KMT2C: variants seen among roughly 807,000 people sequenced by gnomAD.
KMT2C encodes the protein lysine methyltransferase 2C, also known as histone-lysine N-methyltransferase 2C.
A neutral mutation model predicts 507.9 loss-of-function variants in KMT2C; 88 were observed. The ratio of observed to expected loss-of-function variants is 0.17; its 90% confidence interval spans 0.15 to 0.21. KMT2C has a LOEUF of 0.21. Ranked by LOEUF, KMT2C falls within the 10% of genes least tolerant of loss-of-function variation. The probability of loss-of-function intolerance (pLI) is 1.00; values close to 1 mark genes in which losing one functional copy is unlikely to be tolerated. For missense variants in KMT2C, 4,954 were observed against 5,957.8 expected (o/e 0.83, Z 5.55); for synonymous variants, 2,049 against 2,080.8 (o/e 0.98, Z 0.42).
At chr7:152,271,691 A>C (rs1188532840) in intron 7 of KMT2C, among the ~76,000 whole-genome samples, 3 of 151,510 alleles carry the variant, frequency 2.0e-5, no homozygotes, top group African/African-American at 7.3e-5. Flanking sequence ...AAAAAAAAAA[A>C]AAAACCCCAA....
At chr7:152,170,508 T>G (rs2092915039) in intron 40 of KMT2C, among the ~76,000 whole-genome samples, 2 of 152,200 alleles carry the variant, frequency 1.3e-5, no homozygotes, top group South Asian at 2.1e-4. Context: ...CTACTTGCTG[T>G]GTTTGTTTGT....
At chr7:152,201,027 G>A (rs1170355333) in intron 26 of KMT2C, among the ~76,000 whole-genome samples, 1 of 152,106 alleles carries the variant, frequency 6.6e-6, no homozygotes, top group African/African-American at 2.4e-5. Context: ...ATGATGAACA[G>A]CAGAAAGCGT....
intron 51 of KMT2C, 31 bp downstream of exon 51, chr7:152,150,869 T>G: frequency 7.2e-7 from 1 of 1,398,416 alleles, no homozygotes; most frequent in Non-Finnish European, 1.0e-6. Flanking sequence ...TCGTTACACA[T>G]TGTTATCAGC....
intron 3 of KMT2C, among the ~76,000 whole-genome samples, chr7:152,326,012 T>C (rs1295782065): frequency 6.6e-6 from 1 of 152,116 alleles, no homozygotes; most frequent in Non-Finnish European, 1.5e-5. Context: ...ATAAATAACC[T>C]GTCCATATTA....
chr7:152,214,167 TA>T (rs200335502), intron 23 of KMT2C, among the ~76,000 whole-genome samples: 409 of 143,108 alleles, frequency 2.9e-3, no homozygotes, highest in African/African-American at 8.4e-3. Context: ...AGAGTTTCCT[TA>T]AAAAAAAAAA....
At chr7:152,260,573 T>A (rs1189849198) in intron 9 of KMT2C, among the ~76,000 whole-genome samples, 2 of 152,134 alleles carry the variant, frequency 1.3e-5, no homozygotes, top group Non-Finnish European at 2.9e-5. Flanking sequence ...TATGATTAAA[T>A]TTTTTAAAGT....
intron 1 of KMT2C, among the ~76,000 whole-genome samples, chr7:152,420,279 C>T (rs150098548): frequency 8.5e-5 from 13 of 152,256 alleles, no homozygotes; most frequent in Middle Eastern, 3.4e-3. Context: ...ACACCCACAC[C>T]GATCTGTGAT....
intron 2 of KMT2C, among the ~76,000 whole-genome samples, chr7:152,349,706 A>G (rs940046476): frequency 6.6e-6 from 1 of 152,086 alleles, no homozygotes; most frequent in African/African-American, 2.4e-5. Context: ...CTATGATACT[A>G]TAATGACAGA....
intron 23 of KMT2C, among the ~76,000 whole-genome samples, chr7:152,215,795 C>T (rs2094568977): frequency 6.6e-6 from 1 of 151,468 alleles, no homozygotes; most frequent in South Asian, 2.1e-4. Flanking sequence ...ACACAAGAAA[C>T]CTCTGAGGTT....
rs781721078 is a variant in KMT2C, at chr7:152,252,644, G to A, written c.1371C>T (p.Asp457=). The A allele has an allele frequency of 6.2e-7, 1 of 1,613,146 alleles. No homozygotes were observed. Among genetic ancestry groups the A allele is most frequent in the South Asian group, 1.1e-5 (1 of 91,048 alleles). The change falls in exon 10 of 59, where the codon GAC becomes GAT. Residue 457 remains aspartate (D), a synonymous_variant. Transcript: ENST00000262189. ...AGTTATCCTGCTGTTGGTAACAATT[G>A]TCACATATCAGGCAATTGTGGTGCC... is the stretch of plus-strand genomic sequence containing the variant. The part of the protein sequence containing the change: ...SQWHHNCLIC[D]NCYQQQDNLC...
At chr7:152,292,853 A>C (rs915553842) in intron 6 of KMT2C, among the ~76,000 whole-genome samples, 9 of 152,164 alleles carry the variant, frequency 5.9e-5, no homozygotes, top group Admixed American at 2.0e-4. Context: ...GGGAAAAGAA[A>C]ATTTAAGGTC....
At chr7:152,273,326 AC>A (rs1334352997) in intron 7 of KMT2C, among the ~76,000 whole-genome samples, 1 of 152,164 alleles carries the variant, frequency 6.6e-6, no homozygotes, top group Non-Finnish European at 1.5e-5. Flanking sequence ...ACCTGAGTGA[AC>A]TGTCTTCTAA....
In KMT2C at chr7:152,294,799, A is replaced by G. The variant is rs111532174; in HGVS notation, c.849+15167T>C. Among the ~76,000 whole-genome samples, 1,450 of 152,362 alleles carry G rather than the reference A, an allele frequency of 9.5e-3. 27 individuals are homozygous for G. The highest frequency in any genetic ancestry group is 0.034 in the African/African-American group (1,395 of 41,578). On this transcript the variant is annotated intron_variant, in intron 6 of 58. Transcript: ENST00000262189. ...CTTAAATCTATTAATCCAAACTACTATAATTTCTACTATACTTCCTGTAAC... is the reference window on the plus strand; with the variant it reads ...CTTAAATCTATTAATCCAAACTACTGTAATTTCTACTATACTTCCTGTAAC...
intron 9 of KMT2C, among the ~76,000 whole-genome samples, chr7:152,255,105 TCA>T (rs1432753940): frequency 1.2e-5 from 1 of 84,904 alleles, no homozygotes; most frequent in Non-Finnish European, 2.4e-5. Context: ...CAATCAACTC[TCA>T]CTTATATATA....
In KMT2C at chr7:152,187,844, G is replaced by A. The variant is rs371207950; in HGVS notation, c.4664C>T (p.Ala1555Val). 1 of 1,612,652 alleles carries A rather than the reference G, an allele frequency of 6.2e-7. No homozygotes were observed. The highest frequency in any genetic ancestry group is 8.5e-7 in the Non-Finnish European group (1 of 1,179,582). ...TQLLPIHNQD[A>V]FSRMPLMNGL... ...ATTCATGAGAGGCATCCGTGAAAAA[G>A]CATCTTCAGAGAAAAAAATAATTCC... The change falls in exon 32 of 59, where the codon GCT (alanine) becomes GTT (valine). Residue 1555 changes from alanine to valine, a missense_variant. By Grantham distance (64) the Ala-to-Val change is moderately conservative. This residue lies in a region of KMT2C where 195 missense variants were observed against 183.7 expected (regional missense o/e 1.06). Coordinates refer to ENST00000262189, the MANE Select transcript of KMT2C (RefSeq NM_170606.3).
At chr7:152,338,797 T>C (rs2096962529) in intron 2 of KMT2C, among the ~76,000 whole-genome samples, 1 of 152,228 alleles carries the variant, frequency 6.6e-6, no homozygotes, top group Non-Finnish European at 1.5e-5. Flanking sequence ...ATGTAAGTTT[T>C]ATAAATACAT....
In KMT2C at chr7:152,180,854, C is replaced by T. The variant is rs2129119235; in HGVS notation, c.7006G>A (p.Ala2336Thr). The change falls in exon 36 of 59, where the codon GCA (alanine) becomes ACA (threonine). Residue 2336 changes from alanine (A) to threonine (T), a missense_variant. This residue lies in a region of KMT2C where 1,689 missense variants were observed against 1,654.3 expected (regional missense o/e 1.02). Transcript: ENST00000262189. Reference protein sequence around the residue: ...PRPGSEGSFCASSNSPMHSQG... With the variant: ...PRPGSEGSFCTSSNSPMHSQG... ...GAGTGCATTGGAGAGTTTGAAGATG[C>T]ACAGAAGCTCCCCTCTGATCCAGGC... The T allele has an allele frequency of 6.2e-7, 1 of 1,614,160 alleles. No individual in the cohort carries two copies. Among genetic ancestry groups the T allele is most frequent in the East Asian group, 2.2e-5 (1 of 44,882 alleles).
intron 1 of KMT2C, among the ~76,000 whole-genome samples, chr7:152,394,829 G>A (rs368497653): frequency 6.6e-6 from 1 of 152,054 alleles, no homozygotes; most frequent in East Asian, 1.9e-4. Context: ...AGCAACTATC[G>A]ACAACAAGCT....
At chr7:152,421,175 A>G (rs1387931736) in intron 1 of KMT2C, among the ~76,000 whole-genome samples, 1 of 152,208 alleles carries the variant, frequency 6.6e-6, no homozygotes, top group Non-Finnish European at 1.5e-5. Context: ...AGAAATGCAA[A>G]TCAAAACCAC....
Sources: allele counts gnomAD v4.1 joint callset (sites outside exome capture counted in the v4.1 genomes callset), GRCh38; gene constraint gnomAD v4.1.1; regional missense constraint gnomAD v4.1.1; transcripts MANE v1.5; gene names NCBI Gene and HGNC (gene_info 2026-07-23, HGNC 2026-07-21).